Variants in MLLT11 observed in about 807,000 individuals in gnomAD.
MLLT11 encodes protein AF1q.
Under a neutral mutation model 5.3 loss-of-function variants are expected in MLLT11, and 1 was observed. The observed-to-expected ratio is 0.19, with a 90% CI of 0.07 to 0.89. MLLT11 has a LOEUF of 0.89. Among genes scored for constraint, MLLT11 ranks in the 40% least tolerant of loss-of-function variants. MLLT11 has a pLI of 0.67. For missense variants in MLLT11, 87 were observed against 107.3 expected, an observed-to-expected ratio of 0.81 and a Z score of 0.83; for synonymous variants, 38 against 41.7, an observed-to-expected ratio of 0.91 and a Z score of 0.34.
chr1:151,065,430 G>A (rs1210458709), intron 1 of MLLT11, among the ~76,000 whole-genome samples: 1 of 152,170 alleles, frequency 6.6e-6, no homozygotes, highest in Non-Finnish European at 1.5e-5. Flanking sequence ...TTGTCAAAGA[G>A]CTTTTTGTTT....
chr1:151,062,758 G>A (rs1409102423), intron 1 of MLLT11, among the ~76,000 whole-genome samples: 2 of 152,124 alleles, frequency 1.3e-5, no homozygotes, highest in African/African-American at 4.8e-5. Context: ...AAAGAACCCA[G>A]CTAGCTGTGA....
intron 1 of MLLT11, among the ~76,000 whole-genome samples, chr1:151,065,478 T>C (rs1676464299): frequency 6.6e-6 from 1 of 152,192 alleles, no homozygotes; most frequent in South Asian, 2.1e-4. Context: ...GCCCTTTGCT[T>C]TTCCCCATTC....
chr1:151,063,528 C>A (rs926610306), intron 1 of MLLT11, among the ~76,000 whole-genome samples: 1 of 152,286 alleles, frequency 6.6e-6, no homozygotes, highest in Admixed American at 6.5e-5. Context: ...CAGGTTCGCG[C>A]CATTCTCCTG....
At chr1:151,062,553 G>A (rs989672954) in intron 1 of MLLT11, among the ~76,000 whole-genome samples, 2 of 151,936 alleles carry the variant, frequency 1.3e-5, no homozygotes, top group Admixed American at 1.3e-4. Context: ...AGTAAAGACG[G>A]GGTTTCACTA....
intron 1 of MLLT11, among the ~76,000 whole-genome samples, chr1:151,065,787 T>C (rs182396950): frequency 4.3e-4 from 66 of 152,316 alleles, no homozygotes; most frequent in African/African-American, 1.5e-3. Flanking sequence ...AATAGGAGTT[T>C]GGGCTAGGGG....
chr1:151,066,895 A>T (rs1310270534), intron 1 of MLLT11, among the ~76,000 whole-genome samples: 1 of 151,692 alleles, frequency 6.6e-6, no homozygotes, highest in Non-Finnish European at 1.5e-5. Flanking sequence ...ACTGCACTCC[A>T]GCCTGGGCGA....
At chr1:151,067,069 T>C (rs894628987) in intron 1 of MLLT11, 150 bp from the exon 2 acceptor site, 5 of 607,506 alleles carry the variant, frequency 8.2e-6, no homozygotes, top group African/African-American at 7.5e-5. Flanking sequence ...ACTGGTGGGA[T>C]TGGAGGATAT....
In MLLT11 at chr1:151,068,297, A is replaced by C. The variant is rs756108532; in HGVS notation, c.*800A>C. 3.4e-4 allele frequency: 77 copies of C among 227,208 alleles called. 1 individual carries two copies. Among genetic ancestry groups the C allele is most frequent in the Admixed American group, 5.3e-4 (9 of 17,078 alleles). 14.1% of individuals were successfully genotyped at this position (227,208 alleles called of 1,614,324 possible). A position where few individuals can be genotyped will look rare whatever the true frequency, so the allele number is the denominator to read the frequency against. On this transcript the variant is annotated 3_prime_UTR_variant, in exon 2 of 2. Transcript: ENST00000368921. ...GTTTCAATTCAATCTTCTGAACGGC[A>C]TAAGTCCTATTTTAGCCTTACCTCC... is the stretch of plus-strand genomic sequence containing the variant.
At chr1:151,063,024 C>A (rs925085480) in intron 1 of MLLT11, among the ~76,000 whole-genome samples, 4 of 152,270 alleles carry the variant, frequency 2.6e-5, no homozygotes, top group Non-Finnish European at 5.9e-5. Context: ...CCCGGCATCA[C>A]CCTCCTTCTA....
chr1:151,063,998 T>C (rs956577726), intron 1 of MLLT11, among the ~76,000 whole-genome samples: 6 of 112,236 alleles, frequency 5.3e-5, no homozygotes, highest in Non-Finnish European at 9.5e-5. Context: ...TGTTACAGCA[T>C]AGGAAAGTTA....
At chr1:151,062,102 T>G (rs1485430942) in intron 1 of MLLT11, among the ~76,000 whole-genome samples, 1 of 152,004 alleles carries the variant, frequency 6.6e-6, no homozygotes, top group African/African-American at 2.4e-5. Context: ...TTTTCCCCAT[T>G]CAGATCACAA....
chr1:151,062,836 T>G (rs1676425516), intron 1 of MLLT11, among the ~76,000 whole-genome samples: 1 of 152,214 alleles, frequency 6.6e-6, no homozygotes. Context: ...CTAGGTATGC[T>G]TCTTAGAATC....
At chr1:151,064,074 T>C (rs1676443864) in intron 1 of MLLT11, among the ~76,000 whole-genome samples, 2 of 152,126 alleles carry the variant, frequency 1.3e-5, no homozygotes, top group Admixed American at 6.5e-5. Context: ...CAGGCTGGAG[T>C]GCAATGGCGA....
intron 1 of MLLT11, among the ~76,000 whole-genome samples, chr1:151,066,872 C>G (rs951346767): frequency 6.6e-6 from 1 of 151,584 alleles, no homozygotes; most frequent in Admixed American, 6.6e-5. Flanking sequence ...TTGCAGTGAG[C>G]CAAGATCGTG....
chr1:151,063,194 T>C (rs1163650747), intron 1 of MLLT11, among the ~76,000 whole-genome samples: 1 of 152,218 alleles, frequency 6.6e-6, no homozygotes, highest in Non-Finnish European at 1.5e-5. Context: ...CACTGTGTTC[T>C]AGATTAACAC....
intron 1 of MLLT11, among the ~76,000 whole-genome samples, chr1:151,065,868 G>T (rs1306211356): frequency 2.0e-5 from 3 of 152,112 alleles, no homozygotes; most frequent in Non-Finnish European, 4.4e-5. Flanking sequence ...TTGAGACAGG[G>T]TCTCACTCTA....
At chr1:151,065,530 A>G (rs774381650) in intron 1 of MLLT11, among the ~76,000 whole-genome samples, 2 of 152,248 alleles carry the variant, frequency 1.3e-5, no homozygotes, top group Non-Finnish European at 2.9e-5. Context: ...ATACATTAAC[A>G]GTGATCTGTA....
At chr1:151,061,210 A>C (rs1422903113) in intron 1 of MLLT11, among the ~76,000 whole-genome samples, 1 of 152,098 alleles carries the variant, frequency 6.6e-6, no homozygotes, top group Non-Finnish European at 1.5e-5. Context: ...TTGGTGGAGG[A>C]ATGCTAGTAG....
In MLLT11 at chr1:151,068,408, G is replaced by A. The variant is rs369705809; in HGVS notation, c.*911G>A. 3.3e-4 allele frequency: 73 copies of A among 223,138 alleles called. 1 individual carries two copies. The highest frequency in any genetic ancestry group is 1.3e-3 in the African/African-American group (58 of 44,044). 13.8% of individuals were successfully genotyped at this position (223,138 alleles called of 1,614,324 possible). A position where few individuals can be genotyped will look rare whatever the true frequency, so the allele number is the denominator to read the frequency against. On this transcript the variant is annotated 3_prime_UTR_variant, in exon 2 of 2. Transcript: ENST00000368921. Reference sequence around the variant, plus strand: ...GAAATGAACAATTATATTCTGACTCGACATCTTGTCCCCAATCCTTCCAAA... The same window carrying A: ...GAAATGAACAATTATATTCTGACTCAACATCTTGTCCCCAATCCTTCCAAA...
Sources: allele counts gnomAD v4.1 joint callset (sites outside exome capture counted in the v4.1 genomes callset), GRCh38; gene constraint gnomAD v4.1.1; transcripts MANE v1.5; gene names NCBI Gene and HGNC (gene_info 2026-07-23, HGNC 2026-07-21).